SLIT2: variants seen among roughly 807,000 people sequenced by gnomAD.
SLIT2 encodes the protein slit homolog 2 protein.
SLIT2 carries 41 observed loss-of-function variants against 185.7 expected under a neutral mutation model. The ratio of observed to expected loss-of-function variants is 0.22; its 90% CI spans 0.17 to 0.29. SLIT2 has a LOEUF of 0.29. Ranked by LOEUF, SLIT2 falls within the 10% of genes least tolerant of loss-of-function variation. The probability of loss-of-function intolerance (pLI) is 1.00; values close to 1 mark genes in which losing one functional copy is unlikely to be tolerated. For synonymous variants in SLIT2, 693 were observed against 680.2 expected (o/e 1.02, Z -0.29); for missense variants, 1,571 against 1,909.0 (o/e 0.82, Z 3.30).
At chr4:20,518,482 G>A (rs1720464688) in intron 11 of SLIT2, among the ~76,000 whole-genome samples, 1 of 126,246 alleles carries the variant, frequency 7.9e-6, no homozygotes, top group African/African-American at 2.9e-5. Context: ...TCGATCTCCT[G>A]ACCTCGTGAT....
At chr4:20,272,205 G>A (rs868148204) in intron 4 of SLIT2, among the ~76,000 whole-genome samples, 1 of 151,442 alleles carries the variant, frequency 6.6e-6, no homozygotes, top group Admixed American at 6.6e-5. Flanking sequence ...AAAATTACAA[G>A]CACTTGTTGA....
At chr4:20,558,522 T>C (rs1724445492) in intron 26 of SLIT2, among the ~76,000 whole-genome samples, 1 of 152,122 alleles carries the variant, frequency 6.6e-6, no homozygotes, top group Non-Finnish European at 1.5e-5. Context: ...ATAACTTTTA[T>C]ATGCACTGGC....
chr4:20,354,749 T>A (rs1270878878), intron 4 of SLIT2, among the ~76,000 whole-genome samples: 1 of 152,090 alleles, frequency 6.6e-6, no homozygotes, highest in African/African-American at 2.4e-5. Flanking sequence ...TAGAAATTGA[T>A]CTCAGTGAGC....
intron 4 of SLIT2, among the ~76,000 whole-genome samples, chr4:20,415,964 T>TA (rs1168476744): frequency 2.0e-5 from 3 of 152,208 alleles, no homozygotes; most frequent in Non-Finnish European, 4.4e-5. Flanking sequence ...ACATAATAGA[T>TA]ACTCAGTTAG....
At position 20,519,951 on chromosome 4, in the gene SLIT2, G is replaced by A. The variant is rs1720675115; in HGVS notation, c.1130+498G>A. On this transcript the variant is annotated intron_variant, in intron 12 of 36. Coordinates refer to ENST00000504154, the MANE Select transcript of SLIT2 (RefSeq NM_004787.4). ...CAGGAGGCTGAGGCAGGAGAATGGC[G>A]TGAACCAGGGAGGTGGAGCTTGCAA... 2.0e-5 allele frequency among the ~76,000 whole-genome samples: 3 copies of A among 147,556 alleles called. No homozygotes were observed. The South Asian group carries it at 6.6e-4, about 33-fold the overall frequency.
At chr4:20,533,320 T>G in intron 17 of SLIT2, 1 of 382,002 alleles carries the variant, frequency 2.6e-6, no homozygotes, top group Non-Finnish European at 4.7e-6. Context: ...CTCAAGAATT[T>G]TATACTCCTG....
Position 20,491,669 on chromosome 4 carries a change from G to A in SLIT2, c.776-92G>A. The stretch of plus-strand genomic sequence containing the variant: ...CATGTATTTAAAGAGATTTATTTAT[G>A]TGAAATGCTTTGTTACTTGAGCTAA... On this transcript the variant is annotated intron_variant, in intron 8 of 36. Transcript: ENST00000504154. The A allele has an allele frequency of 2.8e-6, 3 of 1,057,166 alleles. No individual in the cohort carries two copies. The South Asian group carries it at 4.9e-5, about 17-fold the overall frequency. The allele number at this position is 1,057,166 out of a possible 1,614,324, so 65.5% of individuals were successfully genotyped here. A position where few individuals can be genotyped will look rare whatever the true frequency, so the allele number is the denominator to read the frequency against.
Position 20,617,425 on chromosome 4 carries a change from C to T in SLIT2, c.4137-14C>T. 6.2e-7 allele frequency: 1 copy of T among 1,610,242 alleles called. No homozygotes were observed. The highest frequency in any genetic ancestry group is 8.5e-7 in the Non-Finnish European group (1 of 1,176,618). ...CTGAATGCATTCCCACTCCTGTGTT[C>T]CTCCTCCCTGTAGATGCGTACATGG... On this transcript the variant is annotated splice_polypyrimidine_tract_variant and intron_variant, in intron 35 of 36. Transcript: ENST00000504154.
At chr4:20,407,334 C>T (rs540634446) in intron 4 of SLIT2, among the ~76,000 whole-genome samples, 1 of 152,240 alleles carries the variant, frequency 6.6e-6, no homozygotes, top group African/African-American at 2.4e-5. Flanking sequence ...TTTAAAACAG[C>T]TCTTTTAGTA....
chr4:20,397,641 C>T (rs1726009962), intron 4 of SLIT2, among the ~76,000 whole-genome samples: 1 of 151,772 alleles, frequency 6.6e-6, no homozygotes, highest in African/African-American at 2.4e-5. Flanking sequence ...CTGTTTTATA[C>T]ATAATATAGT....
chr4:20,440,571 C>T (rs558304224), intron 4 of SLIT2, among the ~76,000 whole-genome samples: 2 of 152,074 alleles, frequency 1.3e-5, no homozygotes, highest in South Asian at 2.1e-4. Context: ...TAGAAAACAA[C>T]GCAATGAATA....
intron 4 of SLIT2, among the ~76,000 whole-genome samples, chr4:20,276,002 T>G (rs1714134529): frequency 6.6e-6 from 1 of 152,108 alleles, no homozygotes; most frequent in African/African-American, 2.4e-5. Flanking sequence ...AATAAAAATT[T>G]TATTTTTTAA....
intron 29 of SLIT2, among the ~76,000 whole-genome samples, chr4:20,584,142 A>C (rs917961124): frequency 1.3e-5 from 2 of 152,168 alleles, no homozygotes; most frequent in Non-Finnish European, 2.9e-5. Context: ...ATTTTTTTAG[A>C]GCCACAGTTA....
intron 4 of SLIT2, among the ~76,000 whole-genome samples, chr4:20,307,919 C>T (rs1286554427): frequency 6.6e-6 from 1 of 152,190 alleles, no homozygotes; most frequent in Admixed American, 6.5e-5. Context: ...GTTTTCACAA[C>T]ACAGCAGCTA....
rs1441726999 is a variant in SLIT2 at position 20,528,335 on chromosome 4, G to A, written c.1463-614G>A. On this transcript the variant is annotated intron_variant, in intron 15 of 36. Coordinates refer to ENST00000504154, the MANE Select transcript of SLIT2 (RefSeq NM_004787.4). The surrounding 1 kb of genome is among the most constrained non-coding windows in gnomAD (Gnocchi z 4.2). ...CTAACCATGTGGTTGCGAGGTATGA[G>A]TAAAACATGGTTCCGTCAAGCACCA... 1 of 534,498 alleles carries A rather than the reference G, an allele frequency of 1.9e-6. No individual in the cohort carries two copies. The highest frequency in any genetic ancestry group is 1.9e-5 in the African/African-American group (1 of 51,914). 33.1% of individuals were successfully genotyped at this position (534,498 alleles called of 1,614,324 possible). A position where few individuals can be genotyped will look rare whatever the true frequency, so the allele number is the denominator to read the frequency against.
intron 4 of SLIT2, among the ~76,000 whole-genome samples, chr4:20,295,562 A>T (rs201568225): frequency 1.3e-5 from 2 of 152,180 alleles, no homozygotes; most frequent in Non-Finnish European, 2.9e-5. Context: ...TAGTAAGTCA[A>T]TCCAAACCAA....
chr4:20,429,271 A>G (rs985496330), intron 4 of SLIT2, among the ~76,000 whole-genome samples: 1 of 152,016 alleles, frequency 6.6e-6, no homozygotes. Flanking sequence ...TATTTTTTTC[A>G]TATGTTTCAA....
At chr4:20,400,386 G>T (rs1359754202) in intron 4 of SLIT2, among the ~76,000 whole-genome samples, 1 of 151,686 alleles carries the variant, frequency 6.6e-6, no homozygotes, top group Non-Finnish European at 1.5e-5. Flanking sequence ...ATCCCTAGAA[G>T]ATGTAATTGG....
chr4:20,263,044 GT>G (rs917989741), intron 3 of SLIT2, among the ~76,000 whole-genome samples: 5 of 151,704 alleles, frequency 3.3e-5, no homozygotes, highest in Admixed American at 2.0e-4. Context: ...GAAATGAGTA[GT>G]TTAGTTTGCA....
Sources: allele counts gnomAD v4.1 joint callset (sites outside exome capture counted in the v4.1 genomes callset), GRCh38; gene constraint gnomAD v4.1.1; non-coding constraint Gnocchi (gnomAD v3.1); transcripts MANE v1.5; gene names NCBI Gene and HGNC (gene_info 2026-07-23, HGNC 2026-07-21).